The following FSIP1 variants were observed in gnomAD, a reference collection of about 807,000 sequenced individuals.
The protein encoded by FSIP1 is fibrous sheath interacting protein 1, also known as fibrous sheath-interacting protein 1.
In FSIP1, 65 loss-of-function variants were observed where a neutral mutation model predicts 60.9. That is an observed-to-expected ratio of 1.07 (90% CI 0.87 to 1.31). The LOEUF is 1.31. Among genes scored for constraint, FSIP1 ranks in the 40% most tolerant of loss-of-function variants. The probability of loss-of-function intolerance (pLI) is 0.00; values close to 1 mark genes in which losing one functional copy is unlikely to be tolerated. For missense variants in FSIP1, 675 were observed against 665.5 expected (o/e 1.01, Z -0.16); for synonymous variants, 209 against 221.2 (o/e 0.94, Z 0.49).
At chr15:39,749,230 G>C (rs1199659696) in intron 5 of FSIP1, among the ~76,000 whole-genome samples, 1 of 114,420 alleles carries the variant, frequency 8.7e-6, no homozygotes, top group Non-Finnish European at 1.7e-5. Flanking sequence ...AACTCTCCAA[G>C]AAGAATTAAT....
intron 11 of FSIP1, among the ~76,000 whole-genome samples, chr15:39,615,728 CA>C (rs35259437): frequency 0.83 from 98,998 of 119,808 alleles, 41,586 homozygotes; most frequent in Non-Finnish European, 0.95. Context: ...ACTAAAAATA[CA>C]AAAAAAAAAA....
At chr15:39,648,512 C>G (rs1158259984) in intron 10 of FSIP1, among the ~76,000 whole-genome samples, 1 of 152,188 alleles carries the variant, frequency 6.6e-6, no homozygotes, top group Admixed American at 6.5e-5. Flanking sequence ...ACCACTGACA[C>G]AGACCAATGC....
chr15:39,760,358 T>C (rs962522437), intron 5 of FSIP1, among the ~76,000 whole-genome samples: 1 of 152,126 alleles, frequency 6.6e-6, no homozygotes, highest in African/African-American at 2.4e-5. Context: ...CCAAGATATG[T>C]ATTAATTGTA....
chr15:39,714,745 G>A (rs1410769905), intron 9 of FSIP1, among the ~76,000 whole-genome samples: 1 of 151,366 alleles, frequency 6.6e-6, no homozygotes, highest in South Asian at 2.1e-4. Context: ...AAGTCAGGAG[G>A]ATCCCTTGAG....
chr15:39,722,957 G>A (rs1896041546), intron 9 of FSIP1, among the ~76,000 whole-genome samples: 2 of 151,616 alleles, frequency 1.3e-5, no homozygotes, highest in Non-Finnish European at 2.9e-5. Flanking sequence ...AGCTTTCTAT[G>A]GCACCTGCCT....
chr15:39,702,745 C>T lies in FSIP1; in HGVS notation c.1188+10699G>A, dbSNP rs1895110543. On this transcript the variant is annotated intron_variant, in intron 10 of 11. Coordinates refer to ENST00000350221, the MANE Select transcript of FSIP1 (RefSeq NM_152597.5). ...ACAATAATTATTTTATATAATTATA[C>T]TTAATTATATTCACATTTATTTATT... 9.9e-5 allele frequency among the ~76,000 whole-genome samples: 15 copies of T among 151,270 alleles called. No homozygotes were observed. The South Asian group carries it at 2.9e-3, about 29-fold the overall frequency.
Position 39,600,109 on chromosome 15 carries a change from T to C in FSIP1, c.*771A>G, listed in dbSNP as rs1488735988. 1.3e-5 allele frequency: 2 copies of C among 152,328 alleles called. No individual in the cohort carries two copies. Among genetic ancestry groups the C allele is most frequent in the East Asian group, 3.9e-4 (2 of 5,186 alleles). 9.4% of individuals were successfully genotyped at this position (152,328 alleles called of 1,614,324 possible). A position where few individuals can be genotyped will look rare whatever the true frequency, so the allele number is the denominator to read the frequency against. On this transcript the variant is annotated 3_prime_UTR_variant, in exon 12 of 12. Coordinates refer to ENST00000350221, the MANE Select transcript of FSIP1 (RefSeq NM_152597.5). Reference sequence around the variant, plus strand: ...TTTTGATTCAGAAATAAACTGGACTTCCAATTCTAATGCCAACTCATCTTA... The same window carrying C: ...TTTTGATTCAGAAATAAACTGGACTCCCAATTCTAATGCCAACTCATCTTA...
At position 39,747,800 on chromosome 15, in the gene FSIP1, T is replaced by C. The variant is rs558452080; in HGVS notation, c.560-5900A>G. 5.8e-4 allele frequency among the ~76,000 whole-genome samples: 89 copies of C among 152,308 alleles called. 1 individual carries two copies. Among genetic ancestry groups the C allele is most frequent in the Middle Eastern group, 3.4e-3 (1 of 294 alleles). On this transcript the variant is annotated intron_variant, in intron 5 of 11. Transcript: ENST00000350221. ...TGGTTCAGAATCTTACCTGTGTATA[T>C]ATGGGTATTGGCCTTTTATCATTAA...
intron 10 of FSIP1, among the ~76,000 whole-genome samples, chr15:39,703,759 A>C (rs1345032468): frequency 6.6e-6 from 1 of 151,580 alleles, no homozygotes; most frequent in Non-Finnish European, 1.5e-5. Context: ...AAAAATAATA[A>C]ATAAATAAAT....
intron 2 of FSIP1, among the ~76,000 whole-genome samples, chr15:39,771,792 T>C (rs536866497): frequency 1.1e-4 from 16 of 152,270 alleles, no homozygotes; most frequent in South Asian, 4.1e-4. Context: ...GGGTTCCCTG[T>C]TCAAAAACAT....
At chr15:39,760,538 C>T (rs936172063) in intron 5 of FSIP1, among the ~76,000 whole-genome samples, 1 of 152,138 alleles carries the variant, frequency 6.6e-6, no homozygotes, top group Non-Finnish European at 1.5e-5. Flanking sequence ...AAATTCATAA[C>T]TTTCATCTAA....
At chr15:39,734,779 T>A (rs1406904222) in intron 8 of FSIP1, among the ~76,000 whole-genome samples, 5 of 152,100 alleles carry the variant, frequency 3.3e-5, no homozygotes, top group Non-Finnish European at 7.4e-5. Flanking sequence ...TCGTAATGAA[T>A]ATGAGCAAAT....
chr15:39,640,127 G>A (rs185965363), intron 10 of FSIP1, among the ~76,000 whole-genome samples: 4 of 152,186 alleles, frequency 2.6e-5, no homozygotes, highest in Admixed American at 2.6e-4. Context: ...ACTAAAACAC[G>A]CTTAGGACCC....
chr15:39,761,446 T>C (rs928848502), intron 5 of FSIP1, among the ~76,000 whole-genome samples: 3 of 152,178 alleles, frequency 2.0e-5, no homozygotes, highest in Admixed American at 1.3e-4. Context: ...TAGAGGACAT[T>C]ATGCCAAGCA....
chr15:39,760,458 T>C (rs1421086971), intron 5 of FSIP1, among the ~76,000 whole-genome samples: 1 of 152,180 alleles, frequency 6.6e-6, no homozygotes, highest in African/African-American at 2.4e-5. Context: ...AATAATAATA[T>C]ATAACAGCAT....
chr15:39,777,719 T>C (rs1898109794), intron 1 of FSIP1, among the ~76,000 whole-genome samples: 2 of 152,210 alleles, frequency 1.3e-5, no homozygotes, highest in Non-Finnish European at 2.9e-5. Context: ...GCTTTTGCCC[T>C]CTCATACTCG....
At chr15:39,728,788 C>A (rs1424680170) in intron 8 of FSIP1, among the ~76,000 whole-genome samples, 8 of 152,102 alleles carry the variant, frequency 5.3e-5, no homozygotes, top group Non-Finnish European at 1.2e-4. Context: ...AGCTTCTGCA[C>A]AGCAAGAGAA....
At chr15:39,776,310 T>G (rs1898062320) in intron 2 of FSIP1, 89 bp downstream of exon 2, 1 of 1,290,242 alleles carries the variant, frequency 7.8e-7, no homozygotes, top group African/African-American at 1.5e-5. Flanking sequence ...AGGAGAAAAT[T>G]TAAAATGGGA....
intron 5 of FSIP1, among the ~76,000 whole-genome samples, chr15:39,751,959 C>T (rs568825358): frequency 8.6e-5 from 13 of 151,860 alleles, no homozygotes; most frequent in African/African-American, 3.1e-4. Flanking sequence ...TAAATATACA[C>T]AATAAAATTT....
Sources: gnomAD v4.1 joint callset for allele counts (sites outside exome capture counted in the v4.1 genomes callset) on GRCh38, gnomAD v4.1.1 for gene constraint, MANE v1.5 for transcripts, NCBI Gene and HGNC (gene_info 2026-07-23, HGNC 2026-07-21) for gene names.